RNLS: variants seen among roughly 807,000 people sequenced by gnomAD.
RNLS encodes renalase, FAD dependent amine oxidase.
RNLS carries 39 observed loss-of-function variants against 39.8 expected under a neutral mutation model. The observed-to-expected ratio is 0.98, with a 90% CI of 0.76 to 1.28. RNLS has a LOEUF of 1.28. Ranked by LOEUF, RNLS falls within the 50% of genes most tolerant of loss-of-function variation. The pLI is 0.00. For synonymous variants in RNLS, 147 were observed against 150.7 expected (o/e 0.98, Z 0.18); for missense variants, 410 against 413.3 (o/e 0.99, Z 0.07).
At chr10:88,460,508 C>A (rs562584849) in intron 4 of RNLS, among the ~76,000 whole-genome samples, 1 of 152,042 alleles carries the variant, frequency 6.6e-6, no homozygotes, top group Non-Finnish European at 1.5e-5. Context: ...TCACATTTCC[C>A]GTTTATCACC....
At chr10:88,468,264 A>T (rs1340490744) in intron 4 of RNLS, among the ~76,000 whole-genome samples, 2 of 152,172 alleles carry the variant, frequency 1.3e-5, no homozygotes, top group Admixed American at 1.3e-4. Context: ...TTTACCAAAC[A>T]TCTAATGACT....
the RNLS span, among the ~76,000 whole-genome samples, chr10:88,177,246 T>C: frequency 6.6e-6 from 1 of 152,192 alleles, no homozygotes; most frequent in African/African-American, 2.4e-5. Flanking sequence ...TGTCCGTATG[T>C]CCCATATGGT....
At chr10:88,574,761 A>G (rs986834001) in intron 3 of RNLS, among the ~76,000 whole-genome samples, 1 of 152,126 alleles carries the variant, frequency 6.6e-6, no homozygotes, top group Non-Finnish European at 1.5e-5. Context: ...ACAGTACTCC[A>G]TCTTGCCTGA....
chr10:88,415,740 C>A (rs144913683), intron 4 of RNLS, among the ~76,000 whole-genome samples: 1 of 152,194 alleles, frequency 6.6e-6, no homozygotes, highest in Non-Finnish European at 1.5e-5. Context: ...ACAGTAAGTA[C>A]TCAGTCAGTG....
chr10:88,446,262 C>T (rs963128250), intron 4 of RNLS, among the ~76,000 whole-genome samples: 9 of 152,132 alleles, frequency 5.9e-5, no homozygotes. Flanking sequence ...TTCTTTGAAA[C>T]CAACGAGAAC....
intron 6 of RNLS, among the ~76,000 whole-genome samples, chr10:88,306,409 T>A (rs916782323): frequency 7.3e-5 from 11 of 151,652 alleles, no homozygotes; most frequent in Non-Finnish European, 1.5e-4. Context: ...GGAAAAAAAT[T>A]AATAAAATAC....
intron 4 of RNLS, among the ~76,000 whole-genome samples, chr10:88,422,462 G>T (rs1186591894): frequency 1.3e-5 from 2 of 152,156 alleles, no homozygotes; most frequent in Non-Finnish European, 2.9e-5. Context: ...TGATGGCCTG[G>T]ATTTATTTCC....
chr10:88,479,944 A>T (rs535376613), intron 4 of RNLS, among the ~76,000 whole-genome samples: 1 of 152,198 alleles, frequency 6.6e-6, no homozygotes, highest in South Asian at 2.1e-4. Flanking sequence ...AAACTCTTGC[A>T]TTGTATTAGT....
At chr10:88,273,213 T>C (rs1455660109), downstream of RNLS, among the ~76,000 whole-genome samples, 1 of 152,244 alleles carries the variant, frequency 6.6e-6, no homozygotes. Context: ...CTGCTAGTCT[T>C]GGTTCTGCCC....
At chr10:88,202,386 C>T in the RNLS span, among the ~76,000 whole-genome samples, 1 of 152,222 alleles carries the variant, frequency 6.6e-6, no homozygotes, top group South Asian at 2.1e-4. Flanking sequence ...CAACATGGCA[C>T]ACGCATACAT....
At chr10:88,416,325 C>T (rs1447240277) in intron 4 of RNLS, among the ~76,000 whole-genome samples, 1 of 151,828 alleles carries the variant, frequency 6.6e-6, no homozygotes, top group Non-Finnish European at 1.5e-5. Flanking sequence ...GTGATCTTGG[C>T]TCACCGCAAC....
intron 4 of RNLS, 80 bp downstream of exon 4, chr10:88,572,823 G>T (rs1308053675): frequency 6.9e-7 from 1 of 1,449,810 alleles, no homozygotes; most frequent in Non-Finnish European, 9.5e-7. Flanking sequence ...TGTCCTTTGC[G>T]AAGAGAGTTA....
At chr10:88,372,267 C>A (rs567935750) in intron 4 of RNLS, among the ~76,000 whole-genome samples, 1 of 152,020 alleles carries the variant, frequency 6.6e-6, no homozygotes, top group Admixed American at 6.6e-5. Context: ...AATCAGGGAG[C>A]GTTTTCTAAT....
intron 4 of RNLS, among the ~76,000 whole-genome samples, chr10:88,521,893 T>G (rs994105603): frequency 2.0e-5 from 3 of 152,052 alleles, no homozygotes; most frequent in Non-Finnish European, 4.4e-5. Flanking sequence ...TTTTAGCTAA[T>G]AAGTGAACAT....
At chr10:88,457,560 A>T (rs1224541833) in intron 4 of RNLS, among the ~76,000 whole-genome samples, 2 of 152,220 alleles carry the variant, frequency 1.3e-5, no homozygotes, top group African/African-American at 4.8e-5. Flanking sequence ...TGACGTTGAA[A>T]CCAATGCAAT....
chr10:88,397,097 A>C (rs1935584), intron 4 of RNLS, among the ~76,000 whole-genome samples: 102,675 of 151,786 alleles, frequency 0.68, 35,406 homozygotes, highest in African/African-American at 0.81. Context: ...GGACTTGAAC[A>C]ACACTATAAA....
intron 6 of RNLS, among the ~76,000 whole-genome samples, chr10:88,309,666 TAG>T (rs1845210814): frequency 6.6e-6 from 1 of 151,846 alleles, no homozygotes; most frequent in Non-Finnish European, 1.5e-5. Context: ...AATAAAAGGA[TAG>T]AGTCAAAAGT....
At chr10:88,467,721 G>A (rs919674347) in intron 4 of RNLS, among the ~76,000 whole-genome samples, 8 of 152,112 alleles carry the variant, frequency 5.3e-5, no homozygotes, top group South Asian at 2.1e-4. Context: ...TGCAGCCTGG[G>A]TGTCAGGAGA....
rs184827415 is a variant in RNLS at position 88,580,681 on chromosome 10, G to A, written c.367+886C>T. The stretch of plus-strand genomic sequence containing the variant: ...AAATCCTAATAGAAAATGGGCAAAG[G>A]TTATGAATAAGACATTCACAGAAGA... On this transcript the variant is annotated intron_variant, in intron 3 of 6. Transcript: ENST00000331772. 1.6e-3 allele frequency among the ~76,000 whole-genome samples: 250 copies of A among 152,208 alleles called. 1 individual carries two copies. The highest frequency in any genetic ancestry group is 5.6e-3 in the African/African-American group (233 of 41,536).
Sources: allele counts gnomAD v4.1 joint callset (sites outside exome capture counted in the v4.1 genomes callset), GRCh38; gene constraint gnomAD v4.1.1; transcripts MANE v1.5; gene names NCBI Gene and HGNC (gene_info 2026-07-23, HGNC 2026-07-21).